Variants in CHST15 observed in about 807,000 individuals in gnomAD.
CHST15 encodes the protein B cell RAG associated protein (GALNAC4S-6ST).
In CHST15, 30 loss-of-function variants were observed where a neutral mutation model predicts 53.6. The ratio of observed to expected loss-of-function variants is 0.56; its 90% CI spans 0.42 to 0.76. The LOEUF (loss-of-function observed/expected upper bound fraction) is 0.76, where lower values mean the gene tolerates loss of function less well. Among genes scored for constraint, CHST15 ranks in the 30% least tolerant of loss-of-function variants. The pLI, the probability that CHST15 is intolerant of heterozygous loss-of-function variation, is 0.00. For missense variants in CHST15, 627 were observed against 740.5 expected (o/e 0.85, Z 1.78); for synonymous variants, 296 against 289.8 (o/e 1.02, Z -0.22).
chr10:124,040,281 G>A (rs532687644), intron 4 of CHST15, among the ~76,000 whole-genome samples: 3 of 152,248 alleles, frequency 2.0e-5, no homozygotes, highest in Non-Finnish European at 2.9e-5. Context: ...TGTCTAATCC[G>A]TGCTCAGCAT....
At chr10:124,013,835 A>G (rs1250611017) in intron 6 of CHST15, among the ~76,000 whole-genome samples, 1 of 152,174 alleles carries the variant, frequency 6.6e-6, no homozygotes, top group South Asian at 2.1e-4. Context: ...GTGTCTGCCC[A>G]GAACTTCTCA....
At chr10:124,056,785 C>T (rs908024224) in intron 1 of CHST15, among the ~76,000 whole-genome samples, 3 of 149,394 alleles carry the variant, frequency 2.0e-5, no homozygotes, top group Non-Finnish European at 3.0e-5. Context: ...CCGGACACTC[C>T]GCGGCCCAGG....
chr10:124,051,010 C>A (rs908095004), intron 1 of CHST15, among the ~76,000 whole-genome samples: 9 of 152,166 alleles, frequency 5.9e-5, no homozygotes, highest in Admixed American at 3.9e-4. Flanking sequence ...GCAGCACGAT[C>A]TTGGCTCACT....
In CHST15 at chr10:124,044,733, C is replaced by G. The variant is rs878912191; in HGVS notation, c.733G>C (p.Gly245Arg). ...AFWGHLAHAH[G>R]KHFRLRCLPH... ...AGGCAGCGCAGGCGGAAGTGCTTCC[C>G]GTGCGCGTGCGCCAGGTGGCCCCAG... is the stretch of plus-strand genomic sequence containing the variant. The change falls in exon 3 of 8, where the codon GGG (glycine) becomes CGG (arginine). Residue 245 changes from glycine to arginine, a missense_variant. By Grantham distance (125) the Gly-to-Arg change is moderately radical (BLOSUM62 -2). Around this residue, in one of 3 missense-constraint regions of CHST15, gnomAD observed 161 missense variants for 117.2 expected, o/e 1.37. Transcript: ENST00000435907. The G allele has an allele frequency of 6.2e-7, 1 of 1,613,388 alleles. No individual in the cohort carries two copies. Among genetic ancestry groups the G allele is most frequent in the Non-Finnish European group, 8.5e-7 (1 of 1,179,752 alleles).
intron 1 of CHST15, among the ~76,000 whole-genome samples, chr10:124,085,391 A>G (rs563066897): frequency 3.7e-4 from 57 of 152,324 alleles, no homozygotes; most frequent in African/African-American, 1.3e-3. Context: ...CTATGTTTTA[A>G]TAGCCCCAAA....
In CHST15 at chr10:124,008,313, C is replaced by A; in HGVS notation, c.*1836G>T. On this transcript the variant is annotated 3_prime_UTR_variant, in exon 8 of 8. Coordinates refer to ENST00000435907, the MANE Select transcript of CHST15 (RefSeq NM_001270764.2). Reference sequence around the variant, plus strand: ...CTCATTAGCAACTGAACAGAACCCACTCAGAAGACGCACTCACCCACACGT... The same window carrying A: ...CTCATTAGCAACTGAACAGAACCCAATCAGAAGACGCACTCACCCACACGT... 2.7e-6 allele frequency: 3 copies of A among 1,114,532 alleles called. No homozygotes were observed. The highest frequency in any genetic ancestry group is 3.3e-6 in the Non-Finnish European group (3 of 914,760). The allele number at this position is 1,114,532 out of a possible 1,614,324, so 69.0% of individuals were successfully genotyped here.
chr10:124,027,780 A>T (rs2133899511), intron 5 of CHST15, among the ~76,000 whole-genome samples: 1 of 152,272 alleles, frequency 6.6e-6, no homozygotes, highest in South Asian at 2.1e-4. Flanking sequence ...GAGTTTGCCC[A>T]TGGTCACGCA....
At chr10:124,032,492 G>C (rs570371342) in intron 5 of CHST15, among the ~76,000 whole-genome samples, 1 of 152,170 alleles carries the variant, frequency 6.6e-6, no homozygotes, top group East Asian at 1.9e-4. Flanking sequence ...TTTAACGGGG[G>C]CTATAACTGC....
At position 124,073,831 on chromosome 10, in the gene CHST15, G is replaced by C. The variant is rs558587367; in HGVS notation, c.-513+19638C>G. Among the ~76,000 whole-genome samples the C allele has an allele frequency of 8.5e-5, 13 of 152,262 alleles. No individual in the cohort carries two copies. In the South Asian group the frequency reaches 2.5e-3, roughly 29 times the overall value. ...GGTTAACAGAGCTCGTAACCACTTA[G>C]GGCTTATTTTACGACCCGCCTCTCA... On this transcript the variant is annotated intron_variant, in intron 1 of 7. Coordinates refer to ENST00000435907, the MANE Select transcript of CHST15 (RefSeq NM_001270764.2).
intron 1 of CHST15, among the ~76,000 whole-genome samples, chr10:124,073,884 C>G (rs906533150): frequency 6.6e-6 from 1 of 152,158 alleles, no homozygotes; most frequent in East Asian, 1.9e-4. Flanking sequence ...CTCCAGTTGC[C>G]AGGTCTGATG....
intron 3 of CHST15, 22 bp from the exon 4 acceptor site, chr10:124,042,469 A>G (rs1477001166): frequency 6.2e-7 from 1 of 1,610,822 alleles, no homozygotes. Context: ...AAGAAGCAGG[A>G]GATACTGAGG....
chr10:124,050,132 TACTC>T (rs1402911585), intron 1 of CHST15, among the ~76,000 whole-genome samples: 1 of 152,184 alleles, frequency 6.6e-6, no homozygotes, highest in Non-Finnish European at 1.5e-5. Context: ...GTATGTCAAA[TACTC>T]AGTAAGATGG....
At position 124,019,706 on chromosome 10, in the gene CHST15, T is replaced by C; in HGVS notation, c.1347+1550A>G. 2.4e-6 allele frequency: 2 copies of C among 838,414 alleles called. No individual in the cohort carries two copies. The highest frequency in any genetic ancestry group is 2.9e-6 in the Non-Finnish European group (2 of 695,404). The allele number at this position is 838,414 out of a possible 1,614,324, so 51.9% of individuals were successfully genotyped here. On this transcript the variant is annotated intron_variant, in intron 6 of 7. Transcript: ENST00000435907. The surrounding 1 kb of genome is among the most constrained non-coding windows in gnomAD (Gnocchi z 4.6). ...GGTGCCTCAGCCATGAACACAGTAG[T>C]GAGATATTCCTTTTCCACTCCTACA...
rs930516007 is a variant in CHST15, at chr10:124,074,531, T to G, written c.-513+18938A>C. On this transcript the variant is annotated intron_variant, in intron 1 of 7. Coordinates refer to ENST00000435907, the MANE Select transcript of CHST15 (RefSeq NM_001270764.2). The surrounding 1 kb of genome is among the most constrained non-coding windows in gnomAD (Gnocchi z 4.4). Reference sequence around the variant, plus strand: ...AGAACTCTGGGTCCAGGCACCTCACTGGGGACTTACATAACATCCCCCTGC... The same window carrying G: ...AGAACTCTGGGTCCAGGCACCTCACGGGGGACTTACATAACATCCCCCTGC... Among the ~76,000 whole-genome samples the G allele has an allele frequency of 3.9e-5, 6 of 152,108 alleles. No individual in the cohort carries two copies. The highest frequency in any genetic ancestry group is 7.4e-5 in the Non-Finnish European group (5 of 68,018).
chr10:124,024,549 T>C lies in CHST15; in HGVS notation c.1191-3137A>G, dbSNP rs1246179418. Among the ~76,000 whole-genome samples the C allele has an allele frequency of 6.6e-6, 1 of 151,004 alleles. No homozygotes were observed. Among genetic ancestry groups the C allele is most frequent in the Non-Finnish European group, 1.5e-5 (1 of 67,678 alleles). ...GCAAAGGGGCTCGGTGGCCACTGAGTAGATTTCCCCAGATCCACACTCGCC... is the reference window on the plus strand; with the variant it reads ...GCAAAGGGGCTCGGTGGCCACTGAGCAGATTTCCCCAGATCCACACTCGCC... On this transcript the variant is annotated intron_variant, in intron 5 of 7. Transcript: ENST00000435907. This position sits in a 1 kb window ranked among gnomAD's most constrained non-coding sequence, Gnocchi z 4.0.
rs780091347 is a variant in CHST15, at chr10:124,065,513, T to G, written c.-512-18789A>C. On this transcript the variant is annotated intron_variant, in intron 1 of 7. Coordinates refer to ENST00000435907, the MANE Select transcript of CHST15 (RefSeq NM_001270764.2). ...CAGGCAAATTGTTGTCACCCAACCC[T>G]GCTGTGGGACTGCTGGGGGTTGGCC... is the stretch of plus-strand genomic sequence containing the variant. 5.7e-4 allele frequency among the ~76,000 whole-genome samples: 87 copies of G among 152,356 alleles called. 1 individual carries two copies. Among genetic ancestry groups the G allele is most frequent in the Non-Finnish European group, 9.7e-4 (66 of 68,032 alleles).
At chr10:124,066,932 C>T (rs532530241) in intron 1 of CHST15, among the ~76,000 whole-genome samples, 4 of 152,386 alleles carry the variant, frequency 2.6e-5, no homozygotes, top group Admixed American at 6.5e-5. Context: ...CTCCTTTTGT[C>T]CCATTCTTCC....
intron 4 of CHST15, among the ~76,000 whole-genome samples, chr10:124,040,051 C>T (rs563361314): frequency 2.6e-5 from 4 of 152,088 alleles, no homozygotes; most frequent in East Asian, 3.9e-4. Flanking sequence ...CCCTAGGATA[C>T]AGAAAAAACG....
intron 6 of CHST15, among the ~76,000 whole-genome samples, chr10:124,016,986 G>C (rs535097150): frequency 2.0e-5 from 3 of 152,254 alleles, no homozygotes; most frequent in South Asian, 4.1e-4. Context: ...GGAGGGCAGG[G>C]GCACACCCTC....
Sources: gnomAD v4.1 joint callset for allele counts (sites outside exome capture counted in the v4.1 genomes callset) on GRCh38, gnomAD v4.1.1 for gene constraint, gnomAD v4.1.1 regional missense constraint, Gnocchi (gnomAD v3.1) non-coding constraint, MANE v1.5 for transcripts, NCBI Gene and HGNC (gene_info 2026-07-23, HGNC 2026-07-21) for gene names.